MACROD2: variants seen among roughly 807,000 people sequenced by gnomAD.
MACROD2 encodes the protein mono-ADP ribosylhydrolase 2.
A neutral mutation model predicts 70.4 loss-of-function variants in MACROD2; 36 were observed. The ratio of observed to expected loss-of-function variants is 0.51; its 90% confidence interval spans 0.39 to 0.68. The LOEUF (loss-of-function observed/expected upper bound fraction) is 0.68. MACROD2 is among the 30% of genes least tolerant of loss of function. The pLI is 0.00. For synonymous variants in MACROD2, 172 were observed against 178.8 expected (o/e 0.96, Z 0.30); for missense variants, 496 against 538.4 (o/e 0.92, Z 0.78).
At chr20:14,024,182 C>G (rs1218918561) in intron 2 of MACROD2, among the ~76,000 whole-genome samples, 1 of 151,936 alleles carries the variant, frequency 6.6e-6, no homozygotes, top group Non-Finnish European at 1.5e-5. Context: ...GAAGTTCACT[C>G]ATGATTTGGC....
At chr20:14,323,417 T>C (rs2082685843) in intron 3 of MACROD2, 1 of 152,212 alleles carries the variant, frequency 6.6e-6, no homozygotes, top group Non-Finnish European at 1.5e-5. Context: ...CATGCCATCC[T>C]GCAGGAACCA....
chr20:14,746,152 C>T (rs1248280296), intron 5 of MACROD2, among the ~76,000 whole-genome samples: 1 of 152,148 alleles, frequency 6.6e-6, no homozygotes, highest in Admixed American at 6.6e-5. Flanking sequence ...ATGTTTCCTT[C>T]ACCATGAACT....
At position 14,690,980 on chromosome 20, in the gene MACROD2, C is replaced by T. The variant is rs146716940; in HGVS notation, c.418+6021C>T. ...TCGCCCAGGCTGGAGTGCAATGGCG[C>T]GATCTTGGCTCACTGCAACCTCCGC... On this transcript the variant is annotated intron_variant, in intron 5 of 17. Coordinates refer to ENST00000684519, the MANE Select transcript of MACROD2 (RefSeq NM_001351661.2). Among the ~76,000 whole-genome samples the T allele has an allele frequency of 8.1e-3, 1,229 of 152,238 alleles. 12 individuals are homozygous for T. Among genetic ancestry groups the T allele is most frequent in the African/African-American group, 0.028 (1,172 of 41,542 alleles).
chr20:14,696,967 T>A (rs568493534), intron 5 of MACROD2, among the ~76,000 whole-genome samples: 1 of 152,348 alleles, frequency 6.6e-6, no homozygotes, highest in South Asian at 2.1e-4. Context: ...TCTCATGACC[T>A]TCATTCTCAT....
At position 15,533,544 on chromosome 20, in the gene MACROD2, GCTCTCTCTCTCTCTCTCT is replaced by G. The variant is rs3071260; in HGVS notation, c.645+33718_645+33735del. Among the ~76,000 whole-genome samples the G allele has an allele frequency of 2.1e-3, 300 of 141,176 alleles. 3 individuals are homozygous for G. The highest frequency in any genetic ancestry group is 7.1e-3 in the African/African-American group (280 of 39,242). The allele number at this position is 141,176 out of a possible 152,430, so 92.6% of individuals were successfully genotyped here. A position where few individuals can be genotyped will look rare whatever the true frequency, so the allele number is the denominator to read the frequency against. On this transcript the variant is annotated intron_variant, in intron 8 of 17. Transcript: ENST00000684519. ...CCAACTTTCTGTCTCTGTCTCTGTC[GCTCTCTCTCTCTCTCTCT>G]CTCTCTCTCTCTCTCTCTCTTTTTA...
chr20:15,732,682 C>T lies in MACROD2; in HGVS notation c.646-130063C>T, dbSNP rs570717324. On this transcript the variant is annotated intron_variant, in intron 8 of 17. Transcript: ENST00000684519. ...CTCAGTTGTGTATAATTTTGTAATA[C>T]ATCATTGGACTCTATTTGCTAATAT... Among the ~76,000 whole-genome samples, 8 of 151,746 alleles carry T rather than the reference C, an allele frequency of 5.3e-5. No homozygotes were observed. The South Asian group carries it at 1.7e-3, about 32-fold the overall frequency.
intron 7 of MACROD2, among the ~76,000 whole-genome samples, chr20:15,433,666 C>A (rs1376355273): frequency 6.6e-6 from 1 of 150,686 alleles, no homozygotes; most frequent in East Asian, 1.9e-4. Flanking sequence ...AAAATACCAT[C>A]ATCATTCTTC....
chr20:14,118,697 C>G (rs953613146), intron 3 of MACROD2, among the ~76,000 whole-genome samples: 5 of 152,074 alleles, frequency 3.3e-5, no homozygotes, highest in Non-Finnish European at 5.9e-5. Flanking sequence ...GATGGTCTAG[C>G]CTGTATTGCC....
At chr20:15,172,414 T>C (rs1253216294) in intron 5 of MACROD2, among the ~76,000 whole-genome samples, 1 of 152,208 alleles carries the variant, frequency 6.6e-6, no homozygotes, top group African/African-American at 2.4e-5. Flanking sequence ...CTTTCCTTTT[T>C]TATTTTAGAG....
At chr20:14,822,665 G>T (rs2072859850) in intron 5 of MACROD2, among the ~76,000 whole-genome samples, 1 of 152,022 alleles carries the variant, frequency 6.6e-6, no homozygotes, top group Non-Finnish European at 1.5e-5. Flanking sequence ...GAAACTATCT[G>T]AGTTTGAGAT....
At chr20:15,172,983 T>G (rs2076433958) in intron 5 of MACROD2, among the ~76,000 whole-genome samples, 1 of 152,132 alleles carries the variant, frequency 6.6e-6, no homozygotes, top group Non-Finnish European at 1.5e-5. Flanking sequence ...CCATTCAAAA[T>G]GAACAGAAAC....
chr20:14,969,123 G>A lies in MACROD2; in HGVS notation c.419-260817G>A, dbSNP rs540567921. 1.5e-3 allele frequency among the ~76,000 whole-genome samples: 229 copies of A among 151,414 alleles called. 1 individual carries two copies. The highest frequency in any genetic ancestry group is 5.3e-3 in the African/African-American group (219 of 41,186). On this transcript the variant is annotated intron_variant, in intron 5 of 17. Coordinates refer to ENST00000684519, the MANE Select transcript of MACROD2 (RefSeq NM_001351661.2). ...CACCTTAGAACTACTCATTCAGCCA[G>A]AAAATCAGGTCACAAAATTATAGCA...
At chr20:15,621,059 T>C (rs902273058) in intron 8 of MACROD2, among the ~76,000 whole-genome samples, 4 of 152,240 alleles carry the variant, frequency 2.6e-5, no homozygotes, top group African/African-American at 9.6e-5. Flanking sequence ...AAGGGAATGT[T>C]CTGGGTCACA....
At chr20:15,438,241 T>C (rs1457790047) in intron 7 of MACROD2, among the ~76,000 whole-genome samples, 2 of 152,172 alleles carry the variant, frequency 1.3e-5, no homozygotes, top group African/African-American at 4.8e-5. Context: ...TTTGAGCTCT[T>C]TGAGGAGTCG....
intron 6 of MACROD2, among the ~76,000 whole-genome samples, chr20:15,338,742 C>A (rs1411646138): frequency 6.6e-6 from 1 of 151,706 alleles, no homozygotes. Flanking sequence ...GGATTATGAA[C>A]ACAGAGGATC....
intron 3 of MACROD2, among the ~76,000 whole-genome samples, chr20:14,299,244 A>G (rs146912733): frequency 4.6e-5 from 7 of 152,312 alleles, no homozygotes; most frequent in African/African-American, 1.4e-4. Context: ...TCCACCTGCA[A>G]TAAGATTATG....
At chr20:16,017,276 A>T (rs1211219323) in intron 15 of MACROD2, among the ~76,000 whole-genome samples, 1 of 152,098 alleles carries the variant, frequency 6.6e-6, no homozygotes, top group Non-Finnish European at 1.5e-5. Context: ...ACCTCCACAC[A>T]TACTCAAATA....
chr20:15,157,042 C>T (rs1447670387), intron 5 of MACROD2, among the ~76,000 whole-genome samples: 3 of 152,200 alleles, frequency 2.0e-5, no homozygotes, highest in Non-Finnish European at 4.4e-5. Flanking sequence ...TGTTATCTTT[C>T]ACCACTATTT....
chr20:14,704,196 C>T (rs1192570615), intron 5 of MACROD2, among the ~76,000 whole-genome samples: 1 of 152,008 alleles, frequency 6.6e-6, no homozygotes, highest in Non-Finnish European at 1.5e-5. Flanking sequence ...ATATTAATAC[C>T]TCTCCTCAGC....
Sources: allele counts gnomAD v4.1 joint callset (sites outside exome capture counted in the v4.1 genomes callset), GRCh38; gene constraint gnomAD v4.1.1; transcripts MANE v1.5; gene names NCBI Gene and HGNC (gene_info 2026-07-23, HGNC 2026-07-21).